Variants in CSMD1 observed in about 807,000 individuals in gnomAD.
CSMD1 encodes CUB and sushi domain-containing protein 1.
Under a neutral mutation model 417.5 loss-of-function variants are expected in CSMD1, and 213 were observed. That is an observed-to-expected ratio of 0.51 (90% CI 0.46 to 0.57). The LOEUF (loss-of-function observed/expected upper bound fraction) is 0.57. Ranked by LOEUF, CSMD1 falls within the 20% of genes least tolerant of loss-of-function variation. The probability of loss-of-function intolerance (pLI) is 0.00; values close to 1 mark genes in which losing one functional copy is unlikely to be tolerated. For missense variants in CSMD1, 6,923 were observed against 4,529.7 expected (o/e 1.53, Z -15.17); for synonymous variants, 2,862 against 1,736.8 (o/e 1.65, Z -16.11).
intron 1 of CSMD1, among the ~76,000 whole-genome samples, chr8:4,750,058 G>A (rs924822359): frequency 6.6e-6 from 1 of 150,470 alleles, no homozygotes; most frequent in Non-Finnish European, 1.5e-5. Context: ...CCAGGCTGGA[G>A]TGCAGTGGGC....
chr8:2,942,912 C>T (rs1434258472), intron 68 of CSMD1, among the ~76,000 whole-genome samples: 1 of 152,174 alleles, frequency 6.6e-6, no homozygotes, highest in African/African-American at 2.4e-5. Flanking sequence ...TTTCACAAAA[C>T]TAACTGAAAA....
At chr8:4,722,724 G>A (rs929146028) in intron 1 of CSMD1, among the ~76,000 whole-genome samples, 12 of 151,904 alleles carry the variant, frequency 7.9e-5, no homozygotes, top group African/African-American at 2.7e-4. Flanking sequence ...TGATTTTTAC[G>A]GAAAGAAAAA....
intron 23 of CSMD1, among the ~76,000 whole-genome samples, chr8:3,340,132 A>G (rs1229868632): frequency 6.6e-6 from 1 of 152,180 alleles, no homozygotes; most frequent in Non-Finnish European, 1.5e-5. Flanking sequence ...AATCGTTGAA[A>G]ATAAGTTCAT....
intron 2 of CSMD1, among the ~76,000 whole-genome samples, chr8:4,481,679 G>C (rs1563219877): frequency 6.6e-6 from 1 of 152,142 alleles, no homozygotes; most frequent in South Asian, 2.1e-4. Flanking sequence ...CCTTGTAAAT[G>C]CTTCAGGACT....
intron 3 of CSMD1, among the ~76,000 whole-genome samples, chr8:4,224,119 A>G (rs940058041): frequency 4.6e-5 from 7 of 152,188 alleles, no homozygotes; most frequent in African/African-American, 1.7e-4. Context: ...GAGTAACTGA[A>G]CATACCATGA....
At chr8:3,325,574 A>G (rs1224941268) in intron 23 of CSMD1, among the ~76,000 whole-genome samples, 1 of 152,228 alleles carries the variant, frequency 6.6e-6, no homozygotes, top group Non-Finnish European at 1.5e-5. Context: ...CTGTAATCCC[A>G]GCACTTTGGG....
At chr8:4,112,414 A>G (rs1004573172) in intron 3 of CSMD1, among the ~76,000 whole-genome samples, 3 of 152,212 alleles carry the variant, frequency 2.0e-5, no homozygotes, top group African/African-American at 7.2e-5. Context: ...GCTTGCCAGT[A>G]AATATTTAAT....
At chr8:4,936,975 C>A (rs1234745878) in intron 1 of CSMD1, among the ~76,000 whole-genome samples, 1 of 152,162 alleles carries the variant, frequency 6.6e-6, no homozygotes, top group South Asian at 2.1e-4. Flanking sequence ...CCTTAGCAGG[C>A]CAAGGCTGGA....
intron 5 of CSMD1, among the ~76,000 whole-genome samples, chr8:3,787,755 TAAG>T (rs889432181): frequency 3.9e-5 from 6 of 152,298 alleles, no homozygotes; most frequent in African/African-American, 1.4e-4. Flanking sequence ...ATGGGGAAGT[TAAG>T]AAGTGTTATA....
chr8:4,684,479 A>G (rs1806242788), intron 1 of CSMD1, among the ~76,000 whole-genome samples: 1 of 152,142 alleles, frequency 6.6e-6, no homozygotes, highest in Admixed American at 6.5e-5. Flanking sequence ...GTCTTGCTGG[A>G]TCACCCCGGC....
intron 7 of CSMD1, among the ~76,000 whole-genome samples, chr8:3,624,895 A>G (rs1422768441): frequency 6.6e-6 from 1 of 152,216 alleles, no homozygotes; most frequent in East Asian, 1.9e-4. Flanking sequence ...GGAGGTTTAT[A>G]TCTCAGCAAG....
intron 65 of CSMD1, among the ~76,000 whole-genome samples, chr8:2,952,434 TAA>T (rs773630743): frequency 6.6e-6 from 1 of 152,198 alleles, no homozygotes; most frequent in African/African-American, 2.4e-5. Context: ...AGAGAAGGGT[TAA>T]AGAGGAACAG....
chr8:4,179,867 A>T (rs1798258062), intron 3 of CSMD1, among the ~76,000 whole-genome samples: 1 of 152,174 alleles, frequency 6.6e-6, no homozygotes, highest in Non-Finnish European at 1.5e-5. Context: ...GCAAACCAAA[A>T]CCACAATGAG....
At chr8:4,269,175 G>GC (rs1804411570) in intron 3 of CSMD1, among the ~76,000 whole-genome samples, 1 of 152,188 alleles carries the variant, frequency 6.6e-6, no homozygotes, top group South Asian at 2.1e-4. Context: ...TCCTGCCTCA[G>GC]CCCTCCTAGT....
intron 46 of CSMD1, among the ~76,000 whole-genome samples, chr8:3,100,837 G>A (rs1467309712): frequency 6.6e-6 from 1 of 152,114 alleles, no homozygotes; most frequent in African/African-American, 2.4e-5. Context: ...ATTCTTAAAA[G>A]CACCTATAGG....
intron 5 of CSMD1, among the ~76,000 whole-genome samples, chr8:3,961,559 T>G (rs1467377687): frequency 6.6e-6 from 1 of 152,218 alleles, no homozygotes; most frequent in Non-Finnish European, 1.5e-5. Flanking sequence ...GGCAGAAATT[T>G]CCACTAAAGG....
chr8:3,793,900 C>T (rs1324097981), intron 5 of CSMD1, among the ~76,000 whole-genome samples: 6 of 152,068 alleles, frequency 3.9e-5, no homozygotes, highest in Admixed American at 2.6e-4. Flanking sequence ...CGCAGAGTTC[C>T]CTTTGGAATT....
chr8:3,783,497 G>A (rs971931211), intron 5 of CSMD1, among the ~76,000 whole-genome samples: 1 of 152,198 alleles, frequency 6.6e-6, no homozygotes, highest in Non-Finnish European at 1.5e-5. Flanking sequence ...CAGTGCTGAG[G>A]AGGGGAAAGG....
chr8:3,692,885 G>C (rs1419159057), intron 7 of CSMD1, among the ~76,000 whole-genome samples: 2 of 152,116 alleles, frequency 1.3e-5, no homozygotes, highest in African/African-American at 2.4e-5. Context: ...ATGGTACTTT[G>C]ATCTTTATAT....
Sources: allele counts gnomAD v4.1 joint callset (sites outside exome capture counted in the v4.1 genomes callset), GRCh38; gene constraint gnomAD v4.1.1; transcripts MANE v1.5; gene names NCBI Gene and HGNC (gene_info 2026-07-23, HGNC 2026-07-21).